The following UQCR10 variants were observed in gnomAD, a reference collection of about 807,000 sequenced individuals.
The protein encoded by UQCR10 is ubiquinol-cytochrome c reductase, complex III subunit X.
A neutral mutation model predicts 6.0 loss-of-function variants in UQCR10; 5 were observed. The ratio of observed to expected loss-of-function variants is 0.83; its 90% CI spans 0.43 to 1.74. The LOEUF is 1.74. Among genes scored for constraint, UQCR10 ranks in the 40% most tolerant of loss-of-function variants. The pLI is 0.02. For missense variants in UQCR10, 101 were observed against 85.1 expected (o/e 1.19, Z -0.74); for synonymous variants, 40 against 37.4 (o/e 1.07, Z -0.26).
At position 29,767,445 on chromosome 22, in the gene UQCR10, G is replaced by A. The variant is rs1416449924; in HGVS notation, c.47G>A (p.Arg16His). 6.2e-7 allele frequency: 1 copy of A among 1,613,928 alleles called. No homozygotes were observed. Among genetic ancestry groups the A allele is most frequent in the Non-Finnish European group, 8.5e-7 (1 of 1,179,862 alleles). The change falls in exon 1 of 2, where the codon CGC becomes CAC. Residue 16 changes from arginine to histidine, a missense_variant. Coordinates refer to ENST00000330029, the MANE Select transcript of UQCR10 (RefSeq NM_013387.4). ...TCGAAATTGTACTCCCTGCTGTTCCGCAGGACCTCCACCTTCGCCCTCACC... is the reference window on the plus strand; with the variant it reads ...TCGAAATTGTACTCCCTGCTGTTCCACAGGACCTCCACCTTCGCCCTCACC... ...LTSKLYSLLF[R>H]RTSTFALTII... is the part of the protein sequence containing the mutation.
chr22:29,769,545 A>G, intron 1 of UQCR10, 133 bp from the exon 2 acceptor site: 1 of 1,016,882 alleles, frequency 9.8e-7, no homozygotes. Context: ...TTTGCCCACC[A>G]CAAGTGTATC....
Position 29,769,743 on chromosome 22 carries a change from C to G in UQCR10, c.*24C>G. The G allele has an allele frequency of 1.1e-5, 18 of 1,600,890 alleles. No homozygotes were observed. The highest frequency in any genetic ancestry group is 1.5e-5 in the Non-Finnish European group (18 of 1,174,012). On this transcript the variant is annotated 3_prime_UTR_variant, in exon 2 of 2. Coordinates refer to ENST00000330029, the MANE Select transcript of UQCR10 (RefSeq NM_013387.4). Reference sequence around the variant, plus strand: ...AGTTCCTTGGAGGCCCCCATCCAGGCCAGAAGGACCAGGTCCACCCAGCAG... The same window carrying G: ...AGTTCCTTGGAGGCCCCCATCCAGGGCAGAAGGACCAGGTCCACCCAGCAG...
At chr22:29,769,654 G>T in intron 1 of UQCR10, 24 bp from the exon 2 acceptor site, 1 of 1,416,616 alleles carries the variant, frequency 7.1e-7, no homozygotes, top group Non-Finnish European at 9.8e-7. Context: ...GTCAAAGTTT[G>T]TGGCTCTTGT....
chr22:29,767,612 G>C (rs1209372406), intron 1 of UQCR10, 64 bp downstream of exon 1: 5 of 1,581,780 alleles, frequency 3.2e-6, no homozygotes, highest in African/African-American at 1.3e-5. Context: ...GTAGAGGTGG[G>C]ATGGGACTCA....
chr22:29,767,674 C>T (rs2068232980), intron 1 of UQCR10, 126 bp downstream of exon 1: 1 of 1,362,594 alleles, frequency 7.3e-7, no homozygotes, highest in East Asian at 2.6e-5. Context: ...CGTCTTCTGT[C>T]TCGAGTCCGC....
chr22:29,768,593 T>G (rs1342530582), intron 1 of UQCR10, among the ~76,000 whole-genome samples: 1 of 152,176 alleles, frequency 6.6e-6, no homozygotes, highest in Non-Finnish European at 1.5e-5. Context: ...AAGTATGTTG[T>G]TATAACTCAC....
At chr22:29,768,854 T>C (rs570642224) in intron 1 of UQCR10, among the ~76,000 whole-genome samples, 1 of 152,310 alleles carries the variant, frequency 6.6e-6, no homozygotes, top group African/African-American at 2.4e-5. Context: ...CTTGAATTCC[T>C]GAGCTCAGGC....
chr22:29,767,439 T>C lies in UQCR10; in HGVS notation c.41T>C (p.Leu14Pro). 4 of 1,613,982 alleles carry C rather than the reference T, an allele frequency of 2.5e-6. No individual in the cohort carries two copies. Among genetic ancestry groups the C allele is most frequent in the Non-Finnish European group, 3.4e-6 (4 of 1,179,862 alleles). ...ATLTSKLYSL[L>P]FRRTSTFALT... The stretch of plus-strand genomic sequence containing the variant: ...TTGACTTCGAAATTGTACTCCCTGC[T>C]GTTCCGCAGGACCTCCACCTTCGCC... Residue 14 changes from leucine to proline, a missense_variant, in exon 1 of 2, where the codon CTG (leucine) becomes CCG (proline). Transcript: ENST00000330029.
rs368705011 is a variant in UQCR10 at position 29,767,397 on chromosome 22, A to G, written c.-2A>G. The G allele has an allele frequency of 6.2e-7, 1 of 1,612,620 alleles. No homozygotes were observed. The highest frequency in any genetic ancestry group is 1.1e-5 in the South Asian group (1 of 91,022). ...GTGGCGCGAGTTGGACTGTGAAGAA[A>G]CATGGCGGCCGCGACGTTGACTTCG... On this transcript the variant is annotated 5_prime_UTR_variant, in exon 1 of 2. Coordinates refer to ENST00000330029, the MANE Select transcript of UQCR10 (RefSeq NM_013387.4).
chr22:29,770,253 G>A lies in UQCR10; in HGVS notation c.*534G>A. The stretch of plus-strand genomic sequence containing the variant: ...GGTCTTAGCCACTCCCCACCCTAGG[G>A]TATAGTTCAGGGGTATCCAATCCTT... On this transcript the variant is annotated 3_prime_UTR_variant, in exon 2 of 2. Transcript: ENST00000330029. 3.0e-6 allele frequency: 1 copy of A among 337,480 alleles called. No individual in the cohort carries two copies. The highest frequency in any genetic ancestry group is 2.4e-5 in the South Asian group (1 of 41,616). The allele number at this position is 337,480 out of a possible 1,614,324, so 20.9% of individuals were successfully genotyped here.
chr22:29,769,972 T>G lies in UQCR10; in HGVS notation c.*253T>G. On this transcript the variant is annotated 3_prime_UTR_variant, in exon 2 of 2. Transcript: ENST00000330029. ...CCTGCTTCTACATTGGTTGCTTTGTTAACTCTACCTGATCTTCACTTGTCA... is the reference window on the plus strand; with the variant it reads ...CCTGCTTCTACATTGGTTGCTTTGTGAACTCTACCTGATCTTCACTTGTCA... 1 of 638,354 alleles carries G rather than the reference T, an allele frequency of 1.6e-6. No homozygotes were observed. Among genetic ancestry groups the G allele is most frequent in the Non-Finnish European group, 2.9e-6 (1 of 342,734 alleles). 39.5% of individuals were successfully genotyped at this position (638,354 alleles called of 1,614,324 possible).
At position 29,767,546 on chromosome 22, in the gene UQCR10, G is replaced by C; in HGVS notation, c.148G>C (p.Gly50Arg). The C allele has an allele frequency of 6.2e-7, 1 of 1,613,738 alleles. No homozygotes were observed. Among genetic ancestry groups the C allele is most frequent in the Non-Finnish European group, 8.5e-7 (1 of 1,179,696 alleles). The change falls in exon 1 of 2, where the codon GGG becomes CGG. Residue 50 changes from glycine (G) to arginine (R), a missense_variant and splice_region_variant. Physicochemically the swap from Gly to Arg is moderately radical, Grantham distance 125. Transcript: ENST00000330029. ...CGCTATCTACGACCACATCAACGAG[G>C]GGGTGAGGGCCTGTGCCATCCCTGA... ...ADAIYDHINEGKLWKHIKHKY... is the reference protein window; with the variant it reads ...ADAIYDHINERKLWKHIKHKY...
Position 29,769,735 on chromosome 22 carries a change from C to A in UQCR10, c.*16C>A. 1 of 1,604,212 alleles carries A rather than the reference C, an allele frequency of 6.2e-7. No homozygotes were observed. The highest frequency in any genetic ancestry group is 8.5e-7 in the Non-Finnish European group (1 of 1,175,586). On this transcript the variant is annotated 3_prime_UTR_variant, in exon 2 of 2. Coordinates refer to ENST00000330029, the MANE Select transcript of UQCR10 (RefSeq NM_013387.4). ...GAACAAGTAGTTCCTTGGAGGCCCC[C>A]ATCCAGGCCAGAAGGACCAGGTCCA...
rs17849991 is a variant in UQCR10 at position 29,767,425 on chromosome 22, A to G, written c.27A>G (p.Lys9=). The change falls in exon 1 of 2, where the codon AAA becomes AAG. Residue 9 remains lysine, a synonymous_variant. Transcript: ENST00000330029. Reference sequence around the variant, plus strand: ...TGGCGGCCGCGACGTTGACTTCGAAATTGTACTCCCTGCTGTTCCGCAGGA... The same window carrying G: ...TGGCGGCCGCGACGTTGACTTCGAAGTTGTACTCCCTGCTGTTCCGCAGGA... The part of the protein sequence containing the change: MAAATLTS[K]LYSLLFRRTS... 6.2e-7 allele frequency: 1 copy of G among 1,613,560 alleles called. No homozygotes were observed. The highest frequency in any genetic ancestry group is 8.5e-7 in the Non-Finnish European group (1 of 1,179,616).
In UQCR10 at chr22:29,767,507, G is replaced by T. The variant is rs374152934; in HGVS notation, c.109G>T (p.Asp37Tyr). 6.2e-7 allele frequency: 1 copy of T among 1,613,964 alleles called. No homozygotes were observed. Residue 37 changes from aspartate to tyrosine, a missense_variant, in exon 1 of 2, where the codon GAT (aspartate) becomes TAT (tyrosine). Coordinates refer to ENST00000330029, the MANE Select transcript of UQCR10 (RefSeq NM_013387.4). ...CGTCATGTTCTTCGAGCGCGCCTTC[G>T]ATCAAGGCGCGGACGCTATCTACGA... Reference protein sequence around the residue: ...VGVMFFERAFDQGADAIYDHI... With the variant: ...VGVMFFERAFYQGADAIYDHI...
intron 1 of UQCR10, 150 bp downstream of exon 1, chr22:29,767,698 G>A: frequency 8.3e-7 from 1 of 1,199,056 alleles, no homozygotes; most frequent in Non-Finnish European, 1.1e-6. Flanking sequence ...CTGTCCCCTT[G>A]GCTTGATGTG....
At position 29,769,878 on chromosome 22, in the gene UQCR10, T is replaced by G. The variant is rs1436047095; in HGVS notation, c.*159T>G. The G allele has an allele frequency of 1.2e-6, 1 of 824,922 alleles. No homozygotes were observed. Among genetic ancestry groups the G allele is most frequent in the Non-Finnish European group, 2.0e-6 (1 of 489,410 alleles). The allele number at this position is 824,922 out of a possible 1,614,324, so 51.1% of individuals were successfully genotyped here. A position where few individuals can be genotyped will look rare whatever the true frequency, so the allele number is the denominator to read the frequency against. Reference sequence around the variant, plus strand: ...GGCTTTACTTACAAAACAGACTCTTTACCTTCTGCTGTGTTTGAAGTATGT... The same window carrying G: ...GGCTTTACTTACAAAACAGACTCTTGACCTTCTGCTGTGTTTGAAGTATGT... On this transcript the variant is annotated 3_prime_UTR_variant, in exon 2 of 2. Coordinates refer to ENST00000330029, the MANE Select transcript of UQCR10 (RefSeq NM_013387.4).
chr22:29,767,623 G>C, intron 1 of UQCR10, 75 bp downstream of exon 1: 1 of 1,519,156 alleles, frequency 6.6e-7, no homozygotes, highest in Non-Finnish European at 8.9e-7. Flanking sequence ...ATGGGACTCA[G>C]TATACTTTTA....
At chr22:29,767,587 A>C (rs757912322) in intron 1 of UQCR10, 39 bp downstream of exon 1, 42 of 1,535,130 alleles carry the variant, frequency 2.7e-5, no homozygotes, top group Non-Finnish European at 3.6e-5. Flanking sequence ...GACCCGCCTG[A>C]GGGGTGACAG....
Sources: allele counts gnomAD v4.1 joint callset (sites outside exome capture counted in the v4.1 genomes callset), GRCh38; gene constraint gnomAD v4.1.1; transcripts MANE v1.5; gene names NCBI Gene and HGNC (gene_info 2026-07-23, HGNC 2026-07-21).